RAP1GAP2: variants seen among roughly 807,000 people sequenced by gnomAD.
The protein encoded by RAP1GAP2 is rap1 GTPase-activating protein 2.
Under a neutral mutation model 95.0 loss-of-function variants are expected in RAP1GAP2, and 27 were observed. That is an observed-to-expected ratio of 0.28 (90% CI 0.21 to 0.39). The LOEUF is 0.39. RAP1GAP2 is among the 10% of genes least tolerant of loss of function. RAP1GAP2 has a pLI of 1.00. For missense variants in RAP1GAP2, 771 were observed against 970.0 expected, an observed-to-expected ratio of 0.79 and a Z score of 2.72; for synonymous variants, 373 against 380.9, an observed-to-expected ratio of 0.98 and a Z score of 0.24.
At chr17:2,800,620 C>T in intron 2 of RAP1GAP2, 70 bp downstream of exon 2, 3 of 1,520,584 alleles carry the variant, frequency 2.0e-6, no homozygotes, top group Non-Finnish European at 1.8e-6. Flanking sequence ...CCTTGCTCCC[C>T]CCAGGTTGTG....
intron 3 of RAP1GAP2, among the ~76,000 whole-genome samples, chr17:2,913,055 A>G (rs559140361): frequency 3.0e-4 from 46 of 152,212 alleles, no homozygotes; most frequent in African/African-American, 9.4e-4. Context: ...GCTCATGCCT[A>G]TAGTCCCAGC....
At chr17:2,876,056 G>A (rs145120652) in intron 2 of RAP1GAP2, among the ~76,000 whole-genome samples, 3 of 151,704 alleles carry the variant, frequency 2.0e-5, no homozygotes, top group East Asian at 1.9e-4. Context: ...TCCTGCCTCA[G>A]CCTCCCGAGT....
chr17:2,979,372 A>G (rs898135796), intron 8 of RAP1GAP2, among the ~76,000 whole-genome samples: 3 of 152,192 alleles, frequency 2.0e-5, no homozygotes, highest in Non-Finnish European at 4.4e-5. Flanking sequence ...GGGAGAACAC[A>G]AAAACCTCCA....
chr17:3,026,981 A>G lies in RAP1GAP2; in HGVS notation c.2018A>G (p.Glu673Gly). 6.4e-7 allele frequency: 1 copy of G among 1,555,528 alleles called. No homozygotes were observed. Among genetic ancestry groups the G allele is most frequent in the Admixed American group, 1.9e-5 (1 of 51,402 alleles). The part of the protein sequence containing the change: ...QPSTTSPFKQ[E>G]VFVYSPSPSS... ...TCCACGACCTCACCCTTCAAGCAGG[A>G]GGTGTTTGTCTACAGCCCGTCCCCG... Residue 673 changes from glutamate (E) to glycine (G), a missense_variant, in exon 22 of 25, where the codon GAG becomes GGG. Transcript: ENST00000254695.
intron 3 of RAP1GAP2, among the ~76,000 whole-genome samples, chr17:2,927,381 CT>C (rs1433547152): frequency 1.3e-4 from 19 of 151,884 alleles, no homozygotes; most frequent in East Asian, 9.8e-4. Context: ...TCTCGATCTC[CT>C]GACCTCGTGA....
intron 2 of RAP1GAP2, among the ~76,000 whole-genome samples, chr17:2,862,996 C>CAAAAAA (rs1164520490): frequency 4.1e-4 from 20 of 48,986 alleles, no homozygotes; most frequent in Non-Finnish European, 5.5e-4. Context: ...GACTCTGTCT[C>CAAAAAA]AAAAAAAAAA....
chr17:2,962,951 T>A, intron 5 of RAP1GAP2: 1 of 559,754 alleles, frequency 1.8e-6, no homozygotes, highest in Middle Eastern at 4.6e-4. Flanking sequence ...GAGGCCTCGG[T>A]GGGACCTCAG....
chr17:3,018,256 C>T, intron 18 of RAP1GAP2, 58 bp downstream of exon 18: 4 of 1,511,726 alleles, frequency 2.6e-6, no homozygotes, highest in Non-Finnish European at 2.6e-6. Context: ...CCCCCCAGAC[C>T]TATGGAGGAA....
At chr17:2,798,527 G>A (rs1342811182) in intron 1 of RAP1GAP2, among the ~76,000 whole-genome samples, 3 of 152,060 alleles carry the variant, frequency 2.0e-5, no homozygotes, top group African/African-American at 4.8e-5. Flanking sequence ...GGGGTGTCAC[G>A]GATTCCTGGA....
chr17:3,017,343 C>T (rs2046802841), intron 17 of RAP1GAP2, among the ~76,000 whole-genome samples: 1 of 152,070 alleles, frequency 6.6e-6, no homozygotes, highest in Non-Finnish European at 1.5e-5. Context: ...CCCTGCACTT[C>T]TGCCAGGCTG....
chr17:2,809,790 C>A (rs2069678634), intron 2 of RAP1GAP2, among the ~76,000 whole-genome samples: 1 of 152,170 alleles, frequency 6.6e-6, no homozygotes, highest in Non-Finnish European at 1.5e-5. Flanking sequence ...CACTGCAGAC[C>A]CATGGGTGTG....
chr17:2,893,224 A>G (rs1359650565), intron 2 of RAP1GAP2, among the ~76,000 whole-genome samples: 1 of 151,934 alleles, frequency 6.6e-6, no homozygotes, highest in Non-Finnish European at 1.5e-5. Context: ...TATTTTTAGT[A>G]GAGACGTGGT....
chr17:2,878,420 G>C lies in RAP1GAP2; in HGVS notation c.81-26864G>C, dbSNP rs535798621. Among the ~76,000 whole-genome samples, 2 of 152,240 alleles carry C rather than the reference G, an allele frequency of 1.3e-5. 1 individual carries two copies. Among genetic ancestry groups the C allele is most frequent in the South Asian group, 4.1e-4 (2 of 4,820 alleles). ...TGGGTGCAGCCTTGGTGTGGGTGAG[G>C]CTGAGTGGGAGAGGGCATAGGGAGG... On this transcript the variant is annotated intron_variant, in intron 2 of 24. Transcript: ENST00000254695.
chr17:2,807,483 C>A (rs1006647712), intron 2 of RAP1GAP2, among the ~76,000 whole-genome samples: 3 of 152,064 alleles, frequency 2.0e-5, no homozygotes, highest in Admixed American at 2.0e-4. Flanking sequence ...TTACTGGGCA[C>A]CTACACTCTG....
rs1324818290 is a variant in RAP1GAP2, at chr17:3,029,763, G to A, written c.2108-1159G>A. 6.6e-6 allele frequency among the ~76,000 whole-genome samples: 1 copy of A among 152,084 alleles called. No individual in the cohort carries two copies. Among genetic ancestry groups the A allele is most frequent in the East Asian group, 1.9e-4 (1 of 5,194 alleles). On this transcript the variant is annotated intron_variant, in intron 22 of 24. Transcript: ENST00000254695. This position sits in a 1 kb window ranked among gnomAD's most constrained non-coding sequence, Gnocchi z 4.4. ...GTCAAGTGGCCCTCCTGCCAGCGGG[G>A]CACAGCGGGAAATGTTGACACCGGG...
chr17:2,945,009 G>A (rs1475385572), intron 3 of RAP1GAP2, among the ~76,000 whole-genome samples: 1 of 152,044 alleles, frequency 6.6e-6, no homozygotes, highest in African/African-American at 2.4e-5. Flanking sequence ...CAGTAGCTGG[G>A]ATTACAGGCG....
intron 2 of RAP1GAP2, among the ~76,000 whole-genome samples, chr17:2,873,873 C>T (rs2072965325): frequency 6.6e-6 from 1 of 152,022 alleles, no homozygotes; most frequent in African/African-American, 2.4e-5. Flanking sequence ...AGTGATTCTC[C>T]TGCCTCAGCC....
intron 2 of RAP1GAP2, among the ~76,000 whole-genome samples, chr17:2,890,746 G>A (rs563604219): frequency 2.7e-5 from 4 of 148,924 alleles, no homozygotes; most frequent in Admixed American, 1.3e-4. Context: ...GTGCAGTGGC[G>A]CAATCTTGGC....
chr17:3,034,333 T>C lies in RAP1GAP2; in HGVS notation c.*972T>C. ...CCTGAGGGCCAGGCCGGAGCCCAGG[T>C]CTCTGCTGACAATGGGGGTTCAAGG... On this transcript the variant is annotated 3_prime_UTR_variant, in exon 25 of 25. Coordinates refer to ENST00000254695, the MANE Select transcript of RAP1GAP2 (RefSeq NM_015085.5). This position sits in a 1 kb window ranked among gnomAD's most constrained non-coding sequence, Gnocchi z 5.1. 4.6e-6 allele frequency: 1 copy of C among 217,398 alleles called. No individual in the cohort carries two copies. The highest frequency in any genetic ancestry group is 9.6e-6 in the Non-Finnish European group (1 of 103,682). The allele number at this position is 217,398 out of a possible 1,614,324, so 13.5% of individuals were successfully genotyped here.
Sources: gnomAD v4.1 joint callset for allele counts (sites outside exome capture counted in the v4.1 genomes callset) on GRCh38, gnomAD v4.1.1 for gene constraint, Gnocchi (gnomAD v3.1) non-coding constraint, MANE v1.5 for transcripts, NCBI Gene and HGNC (gene_info 2026-07-23, HGNC 2026-07-21) for gene names.